KCNIP1: variants seen among roughly 807,000 people sequenced by gnomAD.
KCNIP1 encodes potassium voltage-gated channel interacting protein 1, also known as A-type potassium channel modulatory protein KCNIP1.
Under a neutral mutation model 33.0 loss-of-function variants are expected in KCNIP1, and 18 were observed. That is an observed-to-expected ratio of 0.55 (90% CI 0.38 to 0.81). KCNIP1 has a LOEUF of 0.81. Among genes scored for constraint, KCNIP1 ranks in the 30% least tolerant of loss-of-function variants. The probability of loss-of-function intolerance (pLI) is 0.00; values close to 1 mark genes in which losing one functional copy is unlikely to be tolerated. For missense variants in KCNIP1, 238 were observed against 271.6 expected (o/e 0.88, Z 0.87); for synonymous variants, 93 against 98.3 (o/e 0.95, Z 0.32).
intron 1 of KCNIP1, among the ~76,000 whole-genome samples, chr5:170,366,072 CTT>C (rs1255106454): frequency 6.6e-6 from 1 of 152,170 alleles, no homozygotes; most frequent in Non-Finnish European, 1.5e-5. Context: ...TCAACATACT[CTT>C]TGCCTTTCCT....
intron 1 of KCNIP1, among the ~76,000 whole-genome samples, chr5:170,691,164 A>G (rs1002969833): frequency 1.6e-4 from 24 of 152,226 alleles, no homozygotes; most frequent in African/African-American, 5.5e-4. Context: ...GGTGCATCCT[A>G]TGGGTTATGC....
At chr5:170,439,119 G>T (rs546742276) in intron 1 of KCNIP1, among the ~76,000 whole-genome samples, 4 of 152,286 alleles carry the variant, frequency 2.6e-5, no homozygotes, top group South Asian at 4.1e-4. Flanking sequence ...ACAATCAGTT[G>T]TACTCACATG....
intron 1 of KCNIP1, among the ~76,000 whole-genome samples, chr5:170,451,727 G>C (rs1391150671): frequency 1.6e-5 from 2 of 126,138 alleles, no homozygotes; most frequent in Admixed American, 1.5e-4. Flanking sequence ...CCTGCATTGT[G>C]TGTGTGTGTG....
chr5:170,725,115 TAG>T (rs1763964559), intron 5 of KCNIP1, among the ~76,000 whole-genome samples: 1 of 152,120 alleles, frequency 6.6e-6, no homozygotes, highest in African/African-American at 2.4e-5. Context: ...TGGATCAAAA[TAG>T]AGAGTCAAAA....
intron 1 of KCNIP1, among the ~76,000 whole-genome samples, chr5:170,665,705 A>G (rs1158778492): frequency 1.3e-5 from 2 of 152,022 alleles, no homozygotes; most frequent in Non-Finnish European, 2.9e-5. Context: ...CCCACATTCC[A>G]TTTCGTAGGC....
At position 170,624,885 on chromosome 5, in the gene KCNIP1, G is replaced by A. The variant is rs187097230; in HGVS notation, c.62-93873G>A. On this transcript the variant is annotated intron_variant, in intron 1 of 7. Coordinates refer to ENST00000328939, the MANE Select transcript of KCNIP1 (RefSeq NM_014592.4). The stretch of plus-strand genomic sequence containing the variant: ...TGGCAGAGTAGAGGCAGGGTCTTCT[G>A]TCTTAGCTGGGCCTGTTGGTGACTT... 7.2e-3 allele frequency among the ~76,000 whole-genome samples: 1,100 copies of A among 152,256 alleles called. 11 individuals carry two copies. Among genetic ancestry groups the A allele is most frequent in the African/African-American group, 0.025 (1,045 of 41,542 alleles).
rs186391653 is a variant in KCNIP1 at position 170,554,351 on chromosome 5, T to C, written c.61+49718T>C. On this transcript the variant is annotated intron_variant, in intron 1 of 7. Transcript: ENST00000328939. ...ATTTTGCATGCCAGCTTATCCGGAT[T>C]CGAGACTTGCTCGATGTTTATTTTC... Among the ~76,000 whole-genome samples, 345 of 152,286 alleles carry C rather than the reference T, an allele frequency of 2.3e-3. 1 individual carries two copies. Among genetic ancestry groups the C allele is most frequent in the African/African-American group, 7.6e-3 (316 of 41,566 alleles).
chr5:170,431,181 A>G (rs760535585), intron 1 of KCNIP1, among the ~76,000 whole-genome samples: 1 of 152,246 alleles, frequency 6.6e-6, no homozygotes, highest in Non-Finnish European at 1.5e-5. Flanking sequence ...AGCGGGCATT[A>G]AAGTTTACAA....
chr5:170,397,908 G>A (rs1352235498), intron 1 of KCNIP1, among the ~76,000 whole-genome samples: 1 of 152,160 alleles, frequency 6.6e-6, no homozygotes, highest in African/African-American at 2.4e-5. Context: ...CAGGTTATAG[G>A]TAGATTTAAA....
chr5:170,439,651 G>A (rs948858990), intron 1 of KCNIP1, among the ~76,000 whole-genome samples: 15 of 152,230 alleles, frequency 9.9e-5, no homozygotes, highest in African/African-American at 2.4e-4. Context: ...TGAGGGGCGC[G>A]CTAGCCTGAG....
At chr5:170,394,286 C>G (rs188862040) in intron 1 of KCNIP1, among the ~76,000 whole-genome samples, 22 of 152,308 alleles carry the variant, frequency 1.4e-4, no homozygotes, top group Admixed American at 1.0e-3. Flanking sequence ...GCCTCTTCTG[C>G]AGAACACTTC....
intron 1 of KCNIP1, among the ~76,000 whole-genome samples, chr5:170,618,602 G>A (rs1245317758): frequency 6.7e-6 from 1 of 149,970 alleles, no homozygotes; most frequent in African/African-American, 2.5e-5. Context: ...TTTGCCATCT[G>A]ATTGGCATGA....
rs1023883419 is a variant in KCNIP1 at position 170,550,165 on chromosome 5, G to T, written c.61+45532G>T. Among the ~76,000 whole-genome samples, 6 of 152,220 alleles carry T rather than the reference G, an allele frequency of 3.9e-5. 1 individual carries two copies. Among genetic ancestry groups the T allele is most frequent in the Admixed American group, 3.9e-4 (6 of 15,280 alleles). ...GAAGTTGACTGGGCAGTTGGCTGTT[G>T]TATCCAGCCTGGGAGATGCAAAATT... On this transcript the variant is annotated intron_variant, in intron 1 of 7. Transcript: ENST00000328939.
chr5:170,541,960 C>T (rs926380511), intron 1 of KCNIP1, among the ~76,000 whole-genome samples: 6 of 152,188 alleles, frequency 3.9e-5, no homozygotes, highest in African/African-American at 1.4e-4. Flanking sequence ...GGTTCTCTTC[C>T]AGTTCTCCCA....
At chr5:170,612,499 C>A (rs748454596) in intron 1 of KCNIP1, among the ~76,000 whole-genome samples, 28 of 152,212 alleles carry the variant, frequency 1.8e-4, no homozygotes, top group Non-Finnish European at 3.5e-4. Context: ...TCATCAACAG[C>A]TTGGGAGAGT....
upstream of KCNIP1, among the ~76,000 whole-genome samples, chr5:170,499,461 A>G (rs1471183293): frequency 6.6e-6 from 1 of 152,232 alleles, no homozygotes; most frequent in African/African-American, 2.4e-5. Context: ...TAAAGGAATT[A>G]TGAAAGTAAT....
chr5:170,615,709 C>G (rs1759341703), intron 1 of KCNIP1, among the ~76,000 whole-genome samples: 1 of 152,178 alleles, frequency 6.6e-6, no homozygotes, highest in Non-Finnish European at 1.5e-5. Context: ...TGCATTCAGA[C>G]CTCACCACTC....
At chr5:170,734,988 C>G (rs952766979) in intron 7 of KCNIP1, among the ~76,000 whole-genome samples, 5 of 152,358 alleles carry the variant, frequency 3.3e-5, no homozygotes, top group Admixed American at 3.3e-4. Context: ...CCTTCACATT[C>G]CACTGTGAGT....
chr5:170,420,819 C>A (rs1442940685), intron 1 of KCNIP1, among the ~76,000 whole-genome samples: 2 of 152,186 alleles, frequency 1.3e-5, no homozygotes, highest in African/African-American at 4.8e-5. Context: ...TTCTCCCCCC[C>A]AACCCCACTT....
Sources: gnomAD v4.1 joint callset for allele counts (sites outside exome capture counted in the v4.1 genomes callset) on GRCh38, gnomAD v4.1.1 for gene constraint, MANE v1.5 for transcripts, NCBI Gene and HGNC (gene_info 2026-07-23, HGNC 2026-07-21) for gene names.